Variants in TNIK observed in about 807,000 individuals in gnomAD.
TNIK encodes the protein TRAF2 and NCK interacting kinase.
Under a neutral mutation model 191.3 loss-of-function variants are expected in TNIK, and 49 were observed. The observed-to-expected ratio is 0.26, with a 90% CI of 0.20 to 0.32. The LOEUF is 0.32. Ranked by LOEUF, TNIK falls within the 10% of genes least tolerant of loss-of-function variation. The pLI, the probability that TNIK is intolerant of heterozygous loss-of-function variation, is 1.00. For missense variants in TNIK, 1,155 were observed against 1,702.3 expected, an observed-to-expected ratio of 0.68 and a Z score of 5.66; for synonymous variants, 594 against 600.9, an observed-to-expected ratio of 0.99 and a Z score of 0.17.
chr3:171,232,311 C>A (rs1024595113), intron 2 of TNIK, among the ~76,000 whole-genome samples: 5 of 151,514 alleles, frequency 3.3e-5, no homozygotes, highest in Admixed American at 6.6e-5. Flanking sequence ...ACAGCAAGAT[C>A]CCATCTCTAA....
intron 2 of TNIK, among the ~76,000 whole-genome samples, chr3:171,253,291 A>C (rs1423289510): frequency 1.3e-5 from 2 of 151,794 alleles, no homozygotes; most frequent in Non-Finnish European, 2.9e-5. Flanking sequence ...CAAAAAAAAA[A>C]AAAAGAAATA....
intron 3 of TNIK, among the ~76,000 whole-genome samples, chr3:171,223,731 T>C (rs1742639303): frequency 6.6e-6 from 1 of 152,330 alleles, no homozygotes; most frequent in Non-Finnish European, 1.5e-5. Flanking sequence ...TTCTGGCACG[T>C]AGTAATCACT....
intron 1 of TNIK, among the ~76,000 whole-genome samples, chr3:171,423,714 C>G (rs1473573435): frequency 1.3e-5 from 2 of 152,060 alleles, no homozygotes; most frequent in African/African-American, 2.4e-5. Context: ...ACAAACCTGA[C>G]AAAAACAAGA....
intron 2 of TNIK, among the ~76,000 whole-genome samples, chr3:171,275,461 G>T (rs1489739711): frequency 6.6e-6 from 1 of 151,988 alleles, no homozygotes; most frequent in Non-Finnish European, 1.5e-5. Flanking sequence ...AAAACAAGAA[G>T]AGAATGCTAT....
intron 2 of TNIK, among the ~76,000 whole-genome samples, chr3:171,240,232 ATCT>A (rs1008790564): frequency 6.6e-6 from 1 of 152,102 alleles, no homozygotes; most frequent in African/African-American, 2.4e-5. Context: ...ACTCTTGGAA[ATCT>A]TCTCTTCTCG....
chr3:171,071,502 A>G (rs1478582598), intron 28 of TNIK, 179 bp from the exon 29 acceptor site: 11 of 579,554 alleles, frequency 1.9e-5, no homozygotes, highest in Non-Finnish European at 3.3e-5. Flanking sequence ...AGCTTCCCTT[A>G]GCGAACTTTG....
intron 16 of TNIK, 88 bp from the exon 17 acceptor site, chr3:171,126,239 A>G: frequency 7.0e-7 from 1 of 1,430,752 alleles, no homozygotes; most frequent in Non-Finnish European, 9.1e-7. Flanking sequence ...AAAAAAAAAA[A>G]AAGTTCAAGG....
intron 24 of TNIK, 86 bp from the exon 25 acceptor site, chr3:171,085,315 C>T (rs567792092): frequency 9.3e-5 from 118 of 1,270,772 alleles, no homozygotes; most frequent in South Asian, 7.8e-4. Flanking sequence ...GGCTGTAAAA[C>T]GATCACAGAT....
chr3:171,335,623 C>T (rs746273288), intron 2 of TNIK, among the ~76,000 whole-genome samples: 18 of 152,106 alleles, frequency 1.2e-4, no homozygotes, highest in Admixed American at 2.0e-4. Context: ...ATTGTTTAGT[C>T]GTATTCTGCT....
At chr3:171,311,432 C>T (rs1366383049) in intron 2 of TNIK, among the ~76,000 whole-genome samples, 1 of 152,082 alleles carries the variant, frequency 6.6e-6, no homozygotes, top group Non-Finnish European at 1.5e-5. Flanking sequence ...ATTTAAGCTC[C>T]CTAAACATTT....
intron 4 of TNIK, among the ~76,000 whole-genome samples, chr3:171,208,535 A>C (rs1740388846): frequency 6.8e-6 from 1 of 147,556 alleles, no homozygotes; most frequent in Non-Finnish European, 1.5e-5. Context: ...AACAGGCTTT[A>C]CAAAGTCCTA....
chr3:171,367,258 T>A (rs1036756052), intron 2 of TNIK, among the ~76,000 whole-genome samples: 3 of 152,162 alleles, frequency 2.0e-5, no homozygotes, highest in African/African-American at 7.2e-5. Context: ...GGCTCACATA[T>A]CTTTTAGCTC....
intron 1 of TNIK, among the ~76,000 whole-genome samples, chr3:171,388,984 T>C (rs1278661749): frequency 1.3e-5 from 2 of 152,252 alleles, no homozygotes; most frequent in African/African-American, 4.8e-5. Context: ...TTAATAGCAG[T>C]GTTCATTTCT....
chr3:171,431,733 T>C (rs1406042391), intron 1 of TNIK, among the ~76,000 whole-genome samples: 1 of 152,202 alleles, frequency 6.6e-6, no homozygotes, highest in African/African-American at 2.4e-5. Flanking sequence ...ATTTTACAGA[T>C]AGGAAAACTG....
chr3:171,341,425 T>C (rs1312531580), intron 2 of TNIK, among the ~76,000 whole-genome samples: 1 of 120,844 alleles, frequency 8.3e-6, no homozygotes, highest in Non-Finnish European at 1.6e-5. Flanking sequence ...TGAGCCAAGA[T>C]TGCACCACTG....
At chr3:171,409,057 T>C (rs191383408) in intron 1 of TNIK, among the ~76,000 whole-genome samples, 3 of 152,256 alleles carry the variant, frequency 2.0e-5, no homozygotes, top group Admixed American at 2.0e-4. Flanking sequence ...GGATGAACTA[T>C]GTTTTATAGT....
At chr3:171,287,983 C>T (rs908806970) in intron 2 of TNIK, among the ~76,000 whole-genome samples, 2 of 150,594 alleles carry the variant, frequency 1.3e-5, no homozygotes, top group Admixed American at 1.3e-4. Context: ...GAATACTATG[C>T]AGCCATAAAA....
At chr3:171,449,651 A>T (rs535584841) in intron 1 of TNIK, among the ~76,000 whole-genome samples, 1 of 152,192 alleles carries the variant, frequency 6.6e-6, no homozygotes, top group Non-Finnish European at 1.5e-5. Context: ...ATTAGGAATC[A>T]TAAGTTTAAA....
intron 2 of TNIK, among the ~76,000 whole-genome samples, chr3:171,351,269 A>ATGTGTGTGTGTGTGTGTTTG (rs140083535): frequency 5.6e-4 from 83 of 147,052 alleles, no homozygotes; most frequent in African/African-American, 1.9e-3. Flanking sequence ...ATATATGTAT[A>ATGTGTGTGTGTGTGTGTTTG]TATGTGTGTG....
Sources: allele counts gnomAD v4.1 joint callset (sites outside exome capture counted in the v4.1 genomes callset), GRCh38; gene constraint gnomAD v4.1.1; transcripts MANE v1.5; gene names NCBI Gene and HGNC (gene_info 2026-07-23, HGNC 2026-07-21).